Variants in LCOR observed in about 807,000 individuals in gnomAD.
LCOR encodes the protein ligand-dependent corepressor.
LCOR carries 14 observed loss-of-function variants against 64.4 expected under a neutral mutation model. That is an observed-to-expected ratio of 0.22 (90% CI 0.14 to 0.34). LCOR has a LOEUF of 0.34. Ranked by LOEUF, LCOR falls within the 10% of genes least tolerant of loss-of-function variation. The probability of loss-of-function intolerance (pLI) is 1.00; values close to 1 mark genes in which losing one functional copy is unlikely to be tolerated. For missense variants in LCOR, 1,686 were observed against 1,765.3 expected (o/e 0.96, Z 0.80); for synonymous variants, 643 against 642.5 (o/e 1.00, Z -0.01).
chr10:96,849,858 C>CTTT (rs964263701), intron 2 of LCOR, among the ~76,000 whole-genome samples: 4 of 115,664 alleles, frequency 3.5e-5, no homozygotes, highest in South Asian at 2.8e-4. Context: ...GTGTCACTCA[C>CTTT]TTTTTTTTTT....
Position 96,984,648 on chromosome 10 carries a change from G to T in LCOR, c.4188G>T (p.Gln1396His). 1 of 1,614,190 alleles carries T rather than the reference G, an allele frequency of 6.2e-7. No homozygotes were observed. The highest frequency in any genetic ancestry group is 1.1e-5 in the South Asian group (1 of 91,086). ...AAATCTTGCCTAAAGCAGAAGTTCA[G>T]AGTAAACGCAAGAGAACAGAAGGCA... ...VSEILPKAEV[Q>H]SKRKRTEGSS... is the part of the protein sequence containing the mutation. The change falls in exon 8 of 8, where the codon CAG (glutamine) becomes CAT (histidine). Residue 1396 changes from glutamine to histidine, a missense_variant. Coordinates refer to ENST00000421806, the MANE Select transcript of LCOR (RefSeq NM_001346516.2).
chr10:96,919,710 T>C (rs915809944), intron 4 of LCOR, among the ~76,000 whole-genome samples: 14 of 152,208 alleles, frequency 9.2e-5, no homozygotes, highest in African/African-American at 3.4e-4. Context: ...TTTGTCTCAA[T>C]GAGTTTGCTT....
chr10:96,852,508 T>G (rs564724702), intron 2 of LCOR, among the ~76,000 whole-genome samples: 1 of 152,352 alleles, frequency 6.6e-6, no homozygotes, highest in East Asian at 1.9e-4. Context: ...TGTTTAGACT[T>G]GTGTGCCATC....
chr10:96,865,586 A>G (rs928125490), intron 2 of LCOR, among the ~76,000 whole-genome samples: 1 of 152,002 alleles, frequency 6.6e-6, no homozygotes, highest in Non-Finnish European at 1.5e-5. Flanking sequence ...GAAATAGAAC[A>G]CTTCTGAGCC....
In LCOR at chr10:96,966,745, TC is replaced by T. The variant is rs554682443; in HGVS notation, c.333-14046del. ...CAGATTCTTAACAGAATGTTGAACT[TC>T]CGTTGTTTGACAGGATCTCATTCTT... On this transcript the variant is annotated intron_variant, in intron 7 of 7. Coordinates refer to ENST00000421806, the MANE Select transcript of LCOR (RefSeq NM_001346516.2). Among the ~76,000 whole-genome samples the T allele has an allele frequency of 1.6e-4, 25 of 152,298 alleles. No individual in the cohort carries two copies. The East Asian group carries it at 4.4e-3, about 27-fold the overall frequency.
At chr10:96,980,417 C>A (rs765669660) in intron 7 of LCOR, among the ~76,000 whole-genome samples, 1 of 152,258 alleles carries the variant, frequency 6.6e-6, no homozygotes, top group East Asian at 1.9e-4. Context: ...TTACTTTTAA[C>A]GTATGAAGAA....
intron 7 of LCOR, among the ~76,000 whole-genome samples, chr10:96,978,942 T>C (rs1848059727): frequency 6.6e-6 from 1 of 152,208 alleles, no homozygotes; most frequent in African/African-American, 2.4e-5. Flanking sequence ...AACTTACAGA[T>C]GAGGAAACCA....
At chr10:96,918,349 A>G (rs907969318) in intron 4 of LCOR, among the ~76,000 whole-genome samples, 1 of 152,154 alleles carries the variant, frequency 6.6e-6, no homozygotes, top group Admixed American at 6.5e-5. Context: ...CTCCAAACAT[A>G]CTACAATGGG....
chr10:96,955,735 A>C, intron 7 of LCOR: 1 of 1,614,234 alleles, frequency 6.2e-7, no homozygotes, highest in Non-Finnish European at 8.5e-7. Flanking sequence ...TCCAAAGCTC[A>C]GAGTATTTAT....
At chr10:96,844,115 C>A (rs1845587410) in intron 2 of LCOR, among the ~76,000 whole-genome samples, 1 of 91,890 alleles carries the variant, frequency 1.1e-5, no homozygotes, top group African/African-American at 5.9e-5. Context: ...CTTCCTTCCC[C>A]CCTCCCTCCC....
At chr10:96,970,898 C>T (rs975276451) in intron 7 of LCOR, among the ~76,000 whole-genome samples, 3 of 151,938 alleles carry the variant, frequency 2.0e-5, no homozygotes, top group East Asian at 1.9e-4. Context: ...GAATTACAGG[C>T]GTGAGCCACC....
intron 7 of LCOR, chr10:96,964,327 C>T (rs1246986635): frequency 6.6e-6 from 1 of 151,126 alleles, no homozygotes; most frequent in Non-Finnish European, 1.5e-5. Flanking sequence ...ATTATTTGAC[C>T]ATGACATTTT....
At chr10:96,844,255 A>T (rs1349349160) in intron 2 of LCOR, among the ~76,000 whole-genome samples, 1 of 150,310 alleles carries the variant, frequency 6.7e-6, no homozygotes, top group Non-Finnish European at 1.5e-5. Flanking sequence ...GACTCAACTG[A>T]TCCTCCTGCC....
At chr10:96,840,773 A>G (rs1315049395) in intron 2 of LCOR, among the ~76,000 whole-genome samples, 5 of 152,334 alleles carry the variant, frequency 3.3e-5, no homozygotes, top group East Asian at 3.9e-4. Flanking sequence ...GTGCCTTACA[A>G]TTGTATTAAA....
intron 7 of LCOR, among the ~76,000 whole-genome samples, chr10:96,975,298 A>G (rs1848028757): frequency 6.6e-6 from 1 of 152,218 alleles, no homozygotes; most frequent in African/African-American, 2.4e-5. Context: ...GTTAGCTGTT[A>G]TAACAGGGCC....
intron 4 of LCOR, among the ~76,000 whole-genome samples, chr10:96,938,727 A>G (rs1342101089): frequency 1.3e-5 from 2 of 152,246 alleles, no homozygotes; most frequent in African/African-American, 4.8e-5. Flanking sequence ...TTGTATTGCT[A>G]TACACTAGCA....
chr10:96,837,346 T>G (rs1845463963), intron 2 of LCOR, among the ~76,000 whole-genome samples: 1 of 152,014 alleles, frequency 6.6e-6, no homozygotes, highest in Non-Finnish European at 1.5e-5. Context: ...AACCTCCACC[T>G]CCCAGGTTTA....
At chr10:96,922,851 CAA>C (rs1030500213) in intron 4 of LCOR, among the ~76,000 whole-genome samples, 8 of 152,092 alleles carry the variant, frequency 5.3e-5, no homozygotes, top group African/African-American at 1.2e-4. Flanking sequence ...TATATATTGA[CAA>C]GAGTCATTTG....
intron 2 of LCOR, among the ~76,000 whole-genome samples, chr10:96,859,352 G>A (rs1845851849): frequency 1.3e-5 from 2 of 152,152 alleles, no homozygotes; most frequent in South Asian, 2.1e-4. Flanking sequence ...TGGGATTACA[G>A]GCGCCTGCCA....
Sources: gnomAD v4.1 joint callset for allele counts (sites outside exome capture counted in the v4.1 genomes callset) on GRCh38, gnomAD v4.1.1 for gene constraint, MANE v1.5 for transcripts, NCBI Gene and HGNC (gene_info 2026-07-23, HGNC 2026-07-21) for gene names.